Variants in N4BP2L2 observed in about 807,000 individuals in gnomAD.
N4BP2L2 encodes the protein NEDD4-binding protein 2-like 2.
N4BP2L2 carries 50 observed loss-of-function variants against 56.2 expected under a neutral mutation model. That is an observed-to-expected ratio of 0.89 (90% CI 0.71 to 1.13). The LOEUF (loss-of-function observed/expected upper bound fraction) is 1.13, where lower values mean the gene tolerates loss of function less well. N4BP2L2 is among the 50% of genes most tolerant of loss of function. The pLI, the probability that N4BP2L2 is intolerant of heterozygous loss-of-function variation, is 0.00. For synonymous variants in N4BP2L2, 203 were observed against 223.6 expected (o/e 0.91, Z 0.82); for missense variants, 689 against 693.8 (o/e 0.99, Z 0.08).
intron 1 of N4BP2L2, 95 bp from the exon 2 acceptor site, chr13:32,537,122 A>T (rs1021640478): frequency 1.1e-6 from 1 of 892,338 alleles, no homozygotes; most frequent in Admixed American, 3.6e-5. Flanking sequence ...AAGACATTTA[A>T]ATTTGTGATA....
chr13:32,526,876 A>G (rs1449333286), intron 3 of N4BP2L2: 1 of 134,860 alleles, frequency 7.4e-6, no homozygotes, highest in East Asian at 2.1e-4. Flanking sequence ...AAGAAATTCA[A>G]AAGTGTAGCC....
chr13:32,517,403 A>T, exon 6 of N4BP2L2: 1 of 995,556 alleles, frequency 1.0e-6, no homozygotes, highest in Non-Finnish European at 1.2e-6. Flanking sequence ...TATTTCTTGC[A>T]TATTTAAGGT....
chr13:32,523,254 G>C (rs1373464706), intron 3 of N4BP2L2: 2 of 152,168 alleles, frequency 1.3e-5, no homozygotes, highest in Non-Finnish European at 2.9e-5. Flanking sequence ...AGCCAGGTGT[G>C]GTGGTATGCG....
At chr13:32,450,745 C>G (rs9534494) in intron 6 of N4BP2L2, among the ~76,000 whole-genome samples, 1 of 151,892 alleles carries the variant, frequency 6.6e-6, no homozygotes, top group African/African-American at 2.4e-5. Context: ...ATTCTCCTGT[C>G]TCAGACTCCA....
intron 6 of N4BP2L2, among the ~76,000 whole-genome samples, chr13:32,496,454 T>C (rs573009227): frequency 1.3e-5 from 2 of 152,330 alleles, no homozygotes; most frequent in South Asian, 4.1e-4. Flanking sequence ...TTTAAAGCAT[T>C]ACTAATAACA....
At chr13:32,491,103 C>T (rs1051632674) in intron 6 of N4BP2L2, among the ~76,000 whole-genome samples, 3 of 151,744 alleles carry the variant, frequency 2.0e-5, no homozygotes, top group African/African-American at 7.3e-5. Flanking sequence ...AAGAAAAAAC[C>T]GAAATAGAAC....
At chr13:32,484,131 T>C (rs992719303) in intron 6 of N4BP2L2, among the ~76,000 whole-genome samples, 3 of 151,476 alleles carry the variant, frequency 2.0e-5, no homozygotes, top group Non-Finnish European at 4.4e-5. Flanking sequence ...GAGACCAGCC[T>C]GGGCATTATG....
exon 2 of N4BP2L2, chr13:32,535,986 G>A: frequency 6.2e-7 from 1 of 1,613,900 alleles, no homozygotes. Context: ...CCAGAGGGAT[G>A]AACACTACTC....
chr13:32,436,377 AT>A, exon 9 of N4BP2L2: 4 of 1,227,420 alleles, frequency 3.3e-6, no homozygotes, highest in Admixed American at 2.4e-5. Flanking sequence ...AGGAATTTTC[AT>A]TTTTCAACCA....
At chr13:32,489,641 T>C (rs2086626257) in intron 6 of N4BP2L2, among the ~76,000 whole-genome samples, 1 of 152,064 alleles carries the variant, frequency 6.6e-6, no homozygotes, top group African/African-American at 2.4e-5. Context: ...TGTACGCATA[T>C]AAACTACGAT....
At chr13:32,434,779 T>TA (rs1049064469) in intron 9 of N4BP2L2, among the ~76,000 whole-genome samples, 7 of 152,060 alleles carry the variant, frequency 4.6e-5, no homozygotes, top group Middle Eastern at 3.4e-3. Context: ...AATAAAATAG[T>TA]AAAAAAATCT....
chr13:32,475,519 C>T (rs550272691), intron 6 of N4BP2L2, among the ~76,000 whole-genome samples: 13 of 152,264 alleles, frequency 8.5e-5, no homozygotes, highest in Middle Eastern at 3.4e-3. Flanking sequence ...TCAGGTATGA[C>T]GTCTACATAA....
intron 6 of N4BP2L2, among the ~76,000 whole-genome samples, chr13:32,479,623 C>CA (rs796450349): frequency 1.5e-3 from 182 of 124,672 alleles, no homozygotes; most frequent in Middle Eastern, 4.2e-3. Context: ...TCTTCAGAAG[C>CA]AAAAAAAAAA....
chr13:32,513,099 T>C (rs1400510504), exon 6 of N4BP2L2: 1 of 152,222 alleles, frequency 6.6e-6, no homozygotes, highest in Non-Finnish European at 1.5e-5. Context: ...TATATTCTAT[T>C]ACAAAAATTA....
rs931295897 is a variant in N4BP2L2 at position 32,527,633 on chromosome 13, G to A, written c.1260-101C>T. ...ATAACCAAGTGAAATAAATCACACA[G>A]GAAAGGTTATTAAATGGATTTCTGA... On this transcript the variant is annotated intron_variant, in intron 2 of 5. Coordinates refer to ENST00000267068, the Ensembl canonical transcript of N4BP2L2. 2.7e-5 allele frequency: 36 copies of A among 1,348,910 alleles called. No individual in the cohort carries two copies. In the African/African-American group the frequency reaches 4.4e-4, roughly 17 times the overall value. The allele number at this position is 1,348,910 out of a possible 1,614,324, so 83.6% of individuals were successfully genotyped here. A position where few individuals can be genotyped will look rare whatever the true frequency, so the allele number is the denominator to read the frequency against.
intron 4 of N4BP2L2, 47 bp from the exon 5 acceptor site, chr13:32,521,496 T>C: frequency 1.5e-6 from 2 of 1,346,338 alleles, no homozygotes; most frequent in Non-Finnish European, 2.1e-6. Flanking sequence ...AAGTACTTCT[T>C]AAAGTAAAAA....
rs35108810 is a variant in N4BP2L2 at position 32,443,800 on chromosome 13, T to A, written c.692A>T (p.Asp231Val). Reference sequence around the variant, plus strand: ...AGAGAGGTAATTCTTTGGTGTGTTGTCTAATTCAACTATAGACATAACGTT... The same window carrying A: ...AGAGAGGTAATTCTTTGGTGTGTTGACTAATTCAACTATAGACATAACGTT... Residue 231 changes from aspartate (D) to valine (V), a missense_variant, in exon 7 of 10, where the codon GAC (aspartate) becomes GTC (valine). By Grantham distance (152) the Asp-to-Val change is radical. Coordinates refer to the N4BP2L2 transcript ENST00000357505. The A allele has an allele frequency of 8.7e-3, 13,777 of 1,584,306 alleles. 986 individuals carry two copies. In the African/African-American group the frequency reaches 0.16, roughly 19 times the overall value.
chr13:32,522,139 G>T, intron 4 of N4BP2L2, 43 bp downstream of exon 4: 1 of 1,296,502 alleles, frequency 7.7e-7, no homozygotes, highest in Admixed American at 2.2e-5. Flanking sequence ...TGAAAAAATT[G>T]ACAAGAATAA....
chr13:32,496,550 A>G (rs2088701599), intron 6 of N4BP2L2, among the ~76,000 whole-genome samples: 1 of 152,178 alleles, frequency 6.6e-6, no homozygotes, highest in Non-Finnish European at 1.5e-5. Context: ...TCCCACTGCG[A>G]TGTTGTCAGG....
Sources: gnomAD v4.1 joint callset for allele counts (sites outside exome capture counted in the v4.1 genomes callset) on GRCh38, gnomAD v4.1.1 for gene constraint, MANE v1.5 for transcripts, NCBI Gene and HGNC (gene_info 2026-07-23, HGNC 2026-07-21) for gene names.